The following ZZEF1 variants were observed in gnomAD, a reference collection of about 807,000 sequenced individuals.
ZZEF1 encodes the protein zinc finger ZZ-type and EF-hand domain-containing protein 1.
Under a neutral mutation model 342.8 loss-of-function variants are expected in ZZEF1, and 157 were observed. The ratio of observed to expected loss-of-function variants is 0.46; its 90% CI spans 0.40 to 0.52. The LOEUF (loss-of-function observed/expected upper bound fraction) is 0.52, where lower values mean the gene tolerates loss of function less well. Among genes scored for constraint, ZZEF1 ranks in the 20% least tolerant of loss-of-function variants. The pLI is 0.00. For synonymous variants in ZZEF1, 1,505 were observed against 1,429.1 expected (o/e 1.05, Z -1.20); for missense variants, 3,480 against 3,725.6 (o/e 0.93, Z 1.72).
chr17:4,064,316 A>C (rs2057346143), intron 29 of ZZEF1, 45 bp downstream of exon 29: 1 of 1,483,972 alleles, frequency 6.7e-7, no homozygotes, highest in Non-Finnish European at 9.1e-7. Context: ...CTGGGTACCT[A>C]CGGCTTAAAA....
intron 2 of ZZEF1, 117 bp from the exon 3 acceptor site, chr17:4,117,283 T>G: frequency 1.3e-6 from 1 of 742,068 alleles, no homozygotes; most frequent in East Asian, 2.8e-5. Context: ...CAATCTTCAT[T>G]GATATTTTCA....
rs1454098585 is a variant in ZZEF1, at chr17:4,117,230, C to T, written c.500-64G>A. 5 of 1,347,864 alleles carry T rather than the reference C, an allele frequency of 3.7e-6. No homozygotes were observed. The East Asian group carries it at 1.2e-4, about 32-fold the overall frequency. The allele number at this position is 1,347,864 out of a possible 1,614,324, so 83.5% of individuals were successfully genotyped here. ...CCACAGTAGTTTCCACATCCCCTGC[C>T]TGGTGGCCTATCTGAATTGGCTAAA... On this transcript the variant is annotated intron_variant, in intron 2 of 54. Transcript: ENST00000381638.
In ZZEF1 at chr17:4,006,463, G is replaced by A. The variant is rs1346496953; in HGVS notation, c.*427C>T. The A allele has an allele frequency of 1.6e-5, 4 of 244,566 alleles. No individual in the cohort carries two copies. The highest frequency in any genetic ancestry group is 3.2e-5 in the Non-Finnish European group (4 of 123,142). 15.1% of individuals were successfully genotyped at this position (244,566 alleles called of 1,614,324 possible). A position where few individuals can be genotyped will look rare whatever the true frequency, so the allele number is the denominator to read the frequency against. ...TGCTCCCAGGCTGGGCAGCCACTGGGGGTCTTGCTGGAAAGGTGGATCTGG... is the reference window on the plus strand; with the variant it reads ...TGCTCCCAGGCTGGGCAGCCACTGGAGGTCTTGCTGGAAAGGTGGATCTGG... On this transcript the variant is annotated 3_prime_UTR_variant, in exon 55 of 55. Coordinates refer to ENST00000381638, the MANE Select transcript of ZZEF1 (RefSeq NM_015113.4).
intron 39 of ZZEF1, among the ~76,000 whole-genome samples, chr17:4,038,387 G>A (rs954968185): frequency 1.3e-5 from 2 of 152,200 alleles, no homozygotes; most frequent in African/African-American, 4.8e-5. Context: ...CTTAACAATA[G>A]TAACGTGAAC....
chr17:4,090,783 C>G lies in ZZEF1; in HGVS notation c.1961G>C (p.Trp654Ser). The G allele has an allele frequency of 6.2e-7, 1 of 1,614,158 alleles. No homozygotes were observed. Among genetic ancestry groups the G allele is most frequent in the East Asian group, 2.2e-5 (1 of 44,888 alleles). Residue 654 changes from tryptophan (W) to serine (S), a missense_variant, in exon 12 of 55, where the codon TGG (tryptophan) becomes TCG (serine). Transcript: ENST00000381638. ...DDLGEDDPIG[W>S]FELEEEWDEA... ...ATCCCATTCTTCTTCCAGTTCAAACCAGCCAATAGGATCATCCTCTCCAAG... is the reference window on the plus strand; with the variant it reads ...ATCCCATTCTTCTTCCAGTTCAAACGAGCCAATAGGATCATCCTCTCCAAG...
At chr17:4,101,609 C>A (rs1403261771) in intron 9 of ZZEF1, among the ~76,000 whole-genome samples, 1 of 152,082 alleles carries the variant, frequency 6.6e-6, no homozygotes, top group African/African-American at 2.4e-5. Context: ...TCAGCTATAT[C>A]TGGAAATACC....
intron 2 of ZZEF1, among the ~76,000 whole-genome samples, chr17:4,122,027 A>C (rs1397650530): frequency 6.6e-6 from 1 of 152,122 alleles, no homozygotes; most frequent in Non-Finnish European, 1.5e-5. Flanking sequence ...GGAAATATAC[A>C]TTCTTCATTA....
At chr17:4,099,413 G>C (rs1286987958) in intron 9 of ZZEF1, among the ~76,000 whole-genome samples, 1 of 151,854 alleles carries the variant, frequency 6.6e-6, no homozygotes, top group Non-Finnish European at 1.5e-5. Context: ...GTAGTGACTG[G>C]ATCTCACTAT....
At chr17:4,052,433 C>T (rs2057069413) in intron 34 of ZZEF1, among the ~76,000 whole-genome samples, 1 of 152,174 alleles carries the variant, frequency 6.6e-6, no homozygotes, top group Non-Finnish European at 1.5e-5. Context: ...CCTATGACCC[C>T]TCCACTAACA....
At chr17:4,138,088 TGA>T (rs1238773064) in intron 1 of ZZEF1, among the ~76,000 whole-genome samples, 1 of 152,126 alleles carries the variant, frequency 6.6e-6, no homozygotes, top group Non-Finnish European at 1.5e-5. Context: ...GTAAATTAGC[TGA>T]GAGAGTTAGG....
chr17:4,027,990 C>G (rs966901738), intron 42 of ZZEF1, among the ~76,000 whole-genome samples: 4 of 151,990 alleles, frequency 2.6e-5, no homozygotes, highest in Non-Finnish European at 5.9e-5. Context: ...ATTTTATTTC[C>G]ACTATTGGCT....
chr17:4,129,056 C>T (rs536733890), intron 1 of ZZEF1, among the ~76,000 whole-genome samples: 7 of 152,114 alleles, frequency 4.6e-5, no homozygotes, highest in Admixed American at 2.0e-4. Context: ...TGTGAGCCAC[C>T]GCACCCGGCC....
Position 4,067,183 on chromosome 17 carries a change from C to G in ZZEF1, c.4135G>C (p.Asp1379His), listed in dbSNP as rs755627235. 5.0e-6 allele frequency: 8 copies of G among 1,613,048 alleles called. No homozygotes were observed. ...EEFAQVYSLA[D>H]GIRIWMLEMK... ...CTTACCATCCATATTCGAATCCCAT[C>G]TGCCAAGGAATAAACCTGGGCAAAC... Residue 1379 changes from aspartate (D) to histidine (H), a missense_variant, in exon 27 of 55, where the codon GAT becomes CAT. Coordinates refer to ENST00000381638, the MANE Select transcript of ZZEF1 (RefSeq NM_015113.4).
Position 4,017,925 on chromosome 17 carries a change from C to T in ZZEF1, c.7552G>A (p.Ala2518Thr), listed in dbSNP as rs2056156416. The change falls in exon 47 of 55, where the codon GCT (alanine) becomes ACT (threonine). Residue 2518 changes from alanine (A) to threonine (T), a missense_variant. By Grantham distance (58) the Ala-to-Thr change is moderately conservative (BLOSUM62 0). Around this residue, in one of 5 missense-constraint regions of ZZEF1, gnomAD observed 1,269 missense variants for 1,342.4 expected, o/e 0.95. Coordinates refer to ENST00000381638, the MANE Select transcript of ZZEF1 (RefSeq NM_015113.4). The surrounding 1 kb of genome is among the most constrained non-coding windows in gnomAD (Gnocchi z 5.1). ...CTCTTACTGGGCTGCCACCGCTGAGCCAGGGACCGTATCCTTTCATCTGTG... is the reference window on the plus strand; with the variant it reads ...CTCTTACTGGGCTGCCACCGCTGAGTCAGGGACCGTATCCTTTCATCTGTG... ...LTTDERIRSL[A>T]QRWQPSKSLR... 2 of 1,613,940 alleles carry T rather than the reference C, an allele frequency of 1.2e-6. No individual in the cohort carries two copies. The highest frequency in any genetic ancestry group is 1.7e-5 in the Admixed American group (1 of 60,012).
chr17:4,049,585 A>C (rs2145153697), intron 37 of ZZEF1, 123 bp downstream of exon 37: 1 of 1,100,936 alleles, frequency 9.1e-7, no homozygotes, highest in South Asian at 1.6e-5. Context: ...TGGAGCAGGC[A>C]TGTGAATCCA....
At chr17:4,129,135 A>T (rs905210240) in intron 1 of ZZEF1, among the ~76,000 whole-genome samples, 5 of 152,180 alleles carry the variant, frequency 3.3e-5, no homozygotes, top group Non-Finnish European at 2.9e-5. Context: ...CCTCCTTTTA[A>T]AGTGTATAAT....
At position 4,017,487 on chromosome 17, in the gene ZZEF1, C is replaced by T. The variant is rs759914887; in HGVS notation, c.7885G>A (p.Glu2629Lys). Residue 2629 changes from glutamate to lysine, a missense_variant, in exon 48 of 55, where the codon GAG (glutamate) becomes AAG (lysine). This residue lies in a region of ZZEF1 where 1,269 missense variants were observed against 1,342.4 expected (regional missense o/e 0.95). Coordinates refer to ENST00000381638, the MANE Select transcript of ZZEF1 (RefSeq NM_015113.4). The surrounding 1 kb of genome is among the most constrained non-coding windows in gnomAD (Gnocchi z 5.1). ...ARHVLASLLAEWPSHVPVSED... is the reference protein window; with the variant it reads ...ARHVLASLLAKWPSHVPVSED... ...CTCACTGGCACGTGGCTAGGCCACT[C>T]GGCGAGCAGGGATGCAAGCACGTGG... 22 of 1,614,108 alleles carry T rather than the reference C, an allele frequency of 1.4e-5. 1 individual carries two copies. The highest frequency in any genetic ancestry group is 2.2e-5 in the South Asian group (2 of 91,088).
At chr17:4,040,345 T>C (rs575287759) in intron 39 of ZZEF1, among the ~76,000 whole-genome samples, 1 of 152,336 alleles carries the variant, frequency 6.6e-6, no homozygotes, top group South Asian at 2.1e-4. Context: ...AATCATTAAT[T>C]ACCATATGGT....
chr17:4,083,111 A>G (rs2057754751), intron 16 of ZZEF1, among the ~76,000 whole-genome samples: 1 of 152,188 alleles, frequency 6.6e-6, no homozygotes, highest in South Asian at 2.1e-4. Flanking sequence ...AAGCCATCTC[A>G]AGAGCAATCA....
Sources: gnomAD v4.1 joint callset for allele counts (sites outside exome capture counted in the v4.1 genomes callset) on GRCh38, gnomAD v4.1.1 for gene constraint, gnomAD v4.1.1 regional missense constraint, Gnocchi (gnomAD v3.1) non-coding constraint, MANE v1.5 for transcripts, NCBI Gene and HGNC (gene_info 2026-07-23, HGNC 2026-07-21) for gene names.